Variants in FLRT2 observed in about 807,000 individuals in gnomAD.
FLRT2 encodes leucine-rich repeat transmembrane protein FLRT2.
In FLRT2, 15 loss-of-function variants were observed where a neutral mutation model predicts 40.0. That is an observed-to-expected ratio of 0.38 (90% CI 0.25 to 0.58). FLRT2 has a LOEUF of 0.58. FLRT2 is among the 20% of genes least tolerant of loss of function. FLRT2 has a pLI of 0.71. For missense variants in FLRT2, 726 were observed against 840.0 expected (o/e 0.86, Z 1.68); for synonymous variants, 380 against 336.8 (o/e 1.13, Z -1.41).
intron 1 of FLRT2, among the ~76,000 whole-genome samples, chr14:85,557,187 A>G (rs1265629361): frequency 6.6e-6 from 1 of 152,174 alleles, no homozygotes; most frequent in East Asian, 1.9e-4. Flanking sequence ...GTTATGAATA[A>G]ACCTGCAAAA....
At chr14:85,593,913 A>G (rs563606841) in intron 1 of FLRT2, among the ~76,000 whole-genome samples, 1 of 152,090 alleles carries the variant, frequency 6.6e-6, no homozygotes, top group East Asian at 1.9e-4. Context: ...GTGGTGGTAC[A>G]TACCTGTAAT....
rs1250732084 is a variant in FLRT2 at position 85,625,653 on chromosome 14, G to A, written c.*2156G>A. Reference sequence around the variant, plus strand: ...AGGTCCACACAGTGAAGGGAAAAGAGTCTGTGAAGGTGATCAGTGTAGCAG... The same window carrying A: ...AGGTCCACACAGTGAAGGGAAAAGAATCTGTGAAGGTGATCAGTGTAGCAG... On this transcript the variant is annotated 3_prime_UTR_variant, in exon 2 of 2. Coordinates refer to ENST00000330753, the MANE Select transcript of FLRT2 (RefSeq NM_013231.6). The A allele has an allele frequency of 6.0e-6, 1 of 167,096 alleles. No individual in the cohort carries two copies. Among genetic ancestry groups the A allele is most frequent in the Non-Finnish European group, 1.5e-5 (1 of 68,148 alleles). 10.4% of individuals were successfully genotyped at this position (167,096 alleles called of 1,614,324 possible). A position where few individuals can be genotyped will look rare whatever the true frequency, so the allele number is the denominator to read the frequency against.
chr14:85,553,241 C>A, intron 1 of FLRT2, among the ~76,000 whole-genome samples: 1 of 152,042 alleles, frequency 6.6e-6, no homozygotes, highest in South Asian at 2.1e-4. Flanking sequence ...TTATTGGCCA[C>A]AAAACACAGA....
In FLRT2 at chr14:85,621,459, T is replaced by A. The variant is rs1250905592; in HGVS notation, c.-56T>A. 2.0e-6 allele frequency: 3 copies of A among 1,494,592 alleles called. No homozygotes were observed. The highest frequency in any genetic ancestry group is 4.5e-5 in the Admixed American group (2 of 44,430). The allele number at this position is 1,494,592 out of a possible 1,614,324, so 92.6% of individuals were successfully genotyped here. On this transcript the variant is annotated 5_prime_UTR_variant, in exon 2 of 2. Coordinates refer to ENST00000330753, the MANE Select transcript of FLRT2 (RefSeq NM_013231.6). Reference sequence around the variant, plus strand: ...CAGTCATTTTGATTTTGCTGTTTATTTTTTTTTTCTTTTTCTTTTTCCCAC... The same window carrying A: ...CAGTCATTTTGATTTTGCTGTTTATATTTTTTTTCTTTTTCTTTTTCCCAC...
intron 1 of FLRT2, among the ~76,000 whole-genome samples, chr14:85,612,041 T>G (rs376773191): frequency 2.0e-5 from 2 of 101,446 alleles, no homozygotes; most frequent in Non-Finnish European, 3.6e-5. Context: ...ATGGACTGAG[T>G]CAGAATGTAA....
In FLRT2 at chr14:85,634,581, T is replaced by C. The variant is rs192685129; in HGVS notation, c.*11084T>C. ...AGTTATATTATGAAAACATGATGAA[T>C]CTTTTAAATTCTGAGTCCAATGCTG... On this transcript the variant is annotated 3_prime_UTR_variant, in exon 2 of 2. Coordinates refer to ENST00000330753, the MANE Select transcript of FLRT2 (RefSeq NM_013231.6). 3.9e-5 allele frequency: 6 copies of C among 152,306 alleles called. No individual in the cohort carries two copies. Among genetic ancestry groups the C allele is most frequent in the Non-Finnish European group, 8.8e-5 (6 of 68,022 alleles). 9.4% of individuals were successfully genotyped at this position (152,306 alleles called of 1,614,324 possible).
chr14:85,566,712 G>C (rs1407209063), intron 1 of FLRT2, among the ~76,000 whole-genome samples: 3 of 149,220 alleles, frequency 2.0e-5, no homozygotes, highest in Non-Finnish European at 4.4e-5. Flanking sequence ...TGCAGGGGAA[G>C]AAAGTGTCAT....
At position 85,653,193 on chromosome 14, in the gene FLRT2, C is replaced by G. The variant is rs775958128; in HGVS notation, c.*29696C>G. The G allele has an allele frequency of 5.3e-5, 8 of 152,054 alleles. No homozygotes were observed. Among genetic ancestry groups the G allele is most frequent in the Non-Finnish European group, 1.0e-4 (7 of 68,010 alleles). The allele number at this position is 152,054 out of a possible 1,614,324, so 9.4% of individuals were successfully genotyped here. On this transcript the variant is annotated 3_prime_UTR_variant, in exon 2 of 2. Transcript: ENST00000330753. Reference sequence around the variant, plus strand: ...TTGAGGACTTGTACATAGATAGGCTCAAGATATTTTGAGTCACATATGTAA... The same window carrying G: ...TTGAGGACTTGTACATAGATAGGCTGAAGATATTTTGAGTCACATATGTAA...
chr14:85,535,179 G>C (rs1888569905), intron 1 of FLRT2, among the ~76,000 whole-genome samples: 1 of 152,136 alleles, frequency 6.6e-6, no homozygotes, highest in Non-Finnish European at 1.5e-5. Context: ...AATCACACAG[G>C]GTTTCAGGGC....
In FLRT2 at chr14:85,615,913, A is replaced by G. The variant is rs111263985; in HGVS notation, c.-376-5226A>G. Among the ~76,000 whole-genome samples, 1,075 of 152,354 alleles carry G rather than the reference A, an allele frequency of 7.1e-3. 16 individuals carry two copies. Among genetic ancestry groups the G allele is most frequent in the African/African-American group, 0.024 (979 of 41,580 alleles). ...TGATTTTTATAGTTTTAGTTTATTAAGTGCTCCTGGAATACAGGCTCCTGG... is the reference window on the plus strand; with the variant it reads ...TGATTTTTATAGTTTTAGTTTATTAGGTGCTCCTGGAATACAGGCTCCTGG... On this transcript the variant is annotated intron_variant, in intron 1 of 1. Transcript: ENST00000330753.
At position 85,636,608 on chromosome 14, in the gene FLRT2, A is replaced by T. The variant is rs1158068299; in HGVS notation, c.*13111A>T. On this transcript the variant is annotated 3_prime_UTR_variant, in exon 2 of 2. Transcript: ENST00000330753. ...TCTTCAGGAAAAGAAAAAGAAAGGC[A>T]AATAAAATGTTTATATGAAATTACG... 1 of 152,036 alleles carries T rather than the reference A, an allele frequency of 6.6e-6. No individual in the cohort carries two copies. The highest frequency in any genetic ancestry group is 1.5e-5 in the Non-Finnish European group (1 of 68,012). The allele number at this position is 152,036 out of a possible 1,614,324, so 9.4% of individuals were successfully genotyped here. A position where few individuals can be genotyped will look rare whatever the true frequency, so the allele number is the denominator to read the frequency against.
At chr14:85,535,892 G>GTTTTGTT (rs1566713949) in intron 1 of FLRT2, among the ~76,000 whole-genome samples, 8 of 57,828 alleles carry the variant, frequency 1.4e-4, no homozygotes, top group Admixed American at 2.3e-4. Context: ...AAGGAATGCT[G>GTTTTGTT]TTTTTTTTTT....
Position 85,567,038 on chromosome 14 carries a change from C to A in FLRT2, c.-377+36504C>A, listed in dbSNP as rs75256611. 5.7e-3 allele frequency among the ~76,000 whole-genome samples: 867 copies of A among 152,228 alleles called. 13 individuals are homozygous for A. Among genetic ancestry groups the A allele is most frequent in the African/African-American group, 0.02 (823 of 41,552 alleles). On this transcript the variant is annotated intron_variant, in intron 1 of 1. Coordinates refer to ENST00000330753, the MANE Select transcript of FLRT2 (RefSeq NM_013231.6). ...GTCATTGAAAGTTGGGGGAAGGACA[C>A]ATCGGTTAGAACATATTTAAATGAA...
chr14:85,537,864 T>TCTC (rs1888761703), intron 1 of FLRT2, among the ~76,000 whole-genome samples: 1 of 150,142 alleles, frequency 6.7e-6, no homozygotes. Context: ...TTTTCTTCCT[T>TCTC]AGCGAATTTC....
Position 85,622,266 on chromosome 14 carries a change from G to C in FLRT2, c.752G>C (p.Gly251Ala). 1 of 1,614,052 alleles carries C rather than the reference G, an allele frequency of 6.2e-7. No homozygotes were observed. Among genetic ancestry groups the C allele is most frequent in the Non-Finnish European group, 8.5e-7 (1 of 1,180,004 alleles). ...TCCCACCCTCCTCCCGATCTCCCAG[G>C]TACGCATCTGATCAGGCTCTATTTG... ...SLSHPPPDLP[G>A]THLIRLYLQD... The change falls in exon 2 of 2, where the codon GGT becomes GCT. Residue 251 changes from glycine (G) to alanine (A), a missense_variant. By Grantham distance (60) the Gly-to-Ala change is moderately conservative. Around this residue, in one of 3 missense-constraint regions of FLRT2, gnomAD observed 611 missense variants for 690.0 expected, o/e 0.89. Transcript: ENST00000330753.
rs965442081 is a variant in FLRT2, at chr14:85,650,175, G to T, written c.*26678G>T. 3 of 151,798 alleles carry T rather than the reference G, an allele frequency of 2.0e-5. No homozygotes were observed. Among genetic ancestry groups the T allele is most frequent in the Admixed American group, 2.0e-4 (3 of 15,212 alleles). 9.4% of individuals were successfully genotyped at this position (151,798 alleles called of 1,614,324 possible). A position where few individuals can be genotyped will look rare whatever the true frequency, so the allele number is the denominator to read the frequency against. ...GATGTACAGTATAGCCTTATTTTAC[G>T]TGTTTTAAATTTATACATAAACAAT... is the stretch of plus-strand genomic sequence containing the variant. On this transcript the variant is annotated 3_prime_UTR_variant, in exon 2 of 2. Coordinates refer to ENST00000330753, the MANE Select transcript of FLRT2 (RefSeq NM_013231.6).
chr14:85,595,446 G>GAA (rs140209277), intron 1 of FLRT2, among the ~76,000 whole-genome samples: 88 of 132,356 alleles, frequency 6.6e-4, no homozygotes, highest in African/African-American at 2.1e-3. Context: ...AGTAAGATGT[G>GAA]AAAAAAAAAA....
At chr14:85,602,791 C>A (rs1012234499) in intron 1 of FLRT2, among the ~76,000 whole-genome samples, 22 of 151,962 alleles carry the variant, frequency 1.4e-4, no homozygotes, top group Non-Finnish European at 3.1e-4. Flanking sequence ...TGTAGGGGAC[C>A]CTTCATTTCT....
intron 1 of FLRT2, among the ~76,000 whole-genome samples, chr14:85,586,746 G>T (rs929425514): frequency 6.6e-6 from 1 of 151,840 alleles, no homozygotes; most frequent in Non-Finnish European, 1.5e-5. Context: ...AAATAAAAAA[G>T]GTCTTTGTTT....
Sources: allele counts gnomAD v4.1 joint callset (sites outside exome capture counted in the v4.1 genomes callset), GRCh38; gene constraint gnomAD v4.1.1; regional missense constraint gnomAD v4.1.1; transcripts MANE v1.5; gene names NCBI Gene and HGNC (gene_info 2026-07-23, HGNC 2026-07-21).